The following NLGN1 variants were observed in gnomAD, a reference collection of about 807,000 sequenced individuals.
NLGN1 encodes the protein neuroligin-1.
In NLGN1, 12 loss-of-function variants were observed where a neutral mutation model predicts 65.5. The observed-to-expected ratio is 0.18, with a 90% CI of 0.12 to 0.30. The LOEUF is 0.30. Among genes scored for constraint, NLGN1 ranks in the 10% least tolerant of loss-of-function variants. NLGN1 has a pLI of 1.00. For missense variants in NLGN1, 750 were observed against 1,007.1 expected (o/e 0.74, Z 3.46); for synonymous variants, 350 against 359.5 (o/e 0.97, Z 0.30).
intron 4 of NLGN1, among the ~76,000 whole-genome samples, chr3:174,223,719 C>T (rs1739087296): frequency 6.6e-6 from 1 of 152,172 alleles, no homozygotes; most frequent in Admixed American, 6.5e-5. Flanking sequence ...TTATCGCCTG[C>T]TGCTCACAGA....
intron 4 of NLGN1, among the ~76,000 whole-genome samples, chr3:173,851,078 A>G: frequency 6.6e-6 from 1 of 151,958 alleles, no homozygotes; most frequent in Admixed American, 6.6e-5. Context: ...ATTTTATACC[A>G]TCGTGTTTTA....
At chr3:173,752,272 C>T (rs1560298471) in intron 3 of NLGN1, among the ~76,000 whole-genome samples, 1 of 151,938 alleles carries the variant, frequency 6.6e-6, no homozygotes, top group Admixed American at 6.6e-5. Flanking sequence ...CAGAATGTAC[C>T]CAGTGTTTAA....
intron 1 of NLGN1, among the ~76,000 whole-genome samples, chr3:173,415,706 A>T (rs1465630781): frequency 1.3e-5 from 2 of 152,170 alleles, no homozygotes; most frequent in East Asian, 1.9e-4. Flanking sequence ...ATAGGATACC[A>T]TTGAGTATAG....
At chr3:174,073,386 C>G (rs923742510) in intron 4 of NLGN1, among the ~76,000 whole-genome samples, 8 of 151,402 alleles carry the variant, frequency 5.3e-5, no homozygotes, top group African/African-American at 1.5e-4. Flanking sequence ...AGAATTTTGG[C>G]GGGGGGGCAC....
At chr3:174,270,453 A>G (rs773497001) in intron 4 of NLGN1, among the ~76,000 whole-genome samples, 1 of 151,832 alleles carries the variant, frequency 6.6e-6, no homozygotes, top group African/African-American at 2.4e-5. Flanking sequence ...ATTTGGCCAT[A>G]TATGCCTAAT....
intron 4 of NLGN1, among the ~76,000 whole-genome samples, chr3:173,915,199 C>T (rs9851272): frequency 0.25 from 37,513 of 151,996 alleles, 4,860 homozygotes; most frequent in East Asian, 0.36. Flanking sequence ...TTTTTAAATG[C>T]ATTCTTCTGG....
chr3:174,180,754 A>G (rs1280679453), intron 4 of NLGN1: 1 of 152,134 alleles, frequency 6.6e-6, no homozygotes, highest in African/African-American at 2.4e-5. Context: ...ATGCTTATAT[A>G]AATGAGTAAG....
chr3:173,477,390 A>G (rs1228722762), intron 2 of NLGN1, among the ~76,000 whole-genome samples: 1 of 152,112 alleles, frequency 6.6e-6, no homozygotes, highest in African/African-American at 2.4e-5. Flanking sequence ...AAAAAAAACA[A>G]CAACATAAAA....
intron 2 of NLGN1, among the ~76,000 whole-genome samples, chr3:173,570,500 A>G (rs1744473004): frequency 6.6e-6 from 1 of 152,126 alleles, no homozygotes; most frequent in African/African-American, 2.4e-5. Flanking sequence ...TAACTGGGTG[A>G]GCTTAACCAA....
chr3:173,956,283 A>G (rs1712016336), intron 4 of NLGN1, among the ~76,000 whole-genome samples: 1 of 152,162 alleles, frequency 6.6e-6, no homozygotes, highest in African/African-American at 2.4e-5. Context: ...AATATTATAT[A>G]ACCAAAGGAA....
intron 4 of NLGN1, among the ~76,000 whole-genome samples, chr3:173,980,763 T>C (rs567452218): frequency 6.6e-6 from 1 of 152,232 alleles, no homozygotes; most frequent in Non-Finnish European, 1.5e-5. Flanking sequence ...TCTATTTTAA[T>C]GTACTTGGGC....
chr3:173,735,714 A>C (rs1295557702), intron 3 of NLGN1, among the ~76,000 whole-genome samples: 1 of 152,064 alleles, frequency 6.6e-6, no homozygotes, highest in East Asian at 1.9e-4. Flanking sequence ...AGGCTGTGTA[A>C]TAATTTTCTG....
intron 2 of NLGN1, among the ~76,000 whole-genome samples, chr3:173,515,105 T>C (rs1281478321): frequency 2.0e-5 from 3 of 152,180 alleles, no homozygotes. Flanking sequence ...ACTGTACCAG[T>C]TTACATCCCT....
chr3:173,741,973 G>A (rs1241481002), intron 3 of NLGN1, among the ~76,000 whole-genome samples: 1 of 152,132 alleles, frequency 6.6e-6, no homozygotes, highest in South Asian at 2.1e-4. Flanking sequence ...CCCCCTCTAG[G>A]CCCTCTGGTG....
chr3:173,888,859 T>C (rs1734826134), intron 4 of NLGN1, among the ~76,000 whole-genome samples: 4 of 152,138 alleles, frequency 2.6e-5, no homozygotes, highest in African/African-American at 9.7e-5. Context: ...TTGTTACCTT[T>C]ATTGTCACTT....
intron 4 of NLGN1, among the ~76,000 whole-genome samples, chr3:173,991,568 C>A (rs1423589852): frequency 6.6e-6 from 1 of 152,138 alleles, no homozygotes; most frequent in Non-Finnish European, 1.5e-5. Flanking sequence ...ATAGATTTCT[C>A]AATTTTATCA....
intron 4 of NLGN1, among the ~76,000 whole-genome samples, chr3:174,150,042 A>T (rs910693706): frequency 2.0e-5 from 3 of 152,136 alleles, no homozygotes. Flanking sequence ...TAAAAACATT[A>T]TTTGTCCCTG....
intron 4 of NLGN1, among the ~76,000 whole-genome samples, chr3:173,952,467 T>C (rs1361742779): frequency 6.6e-6 from 1 of 152,218 alleles, no homozygotes; most frequent in Non-Finnish European, 1.5e-5. Flanking sequence ...TTTTCAGTTA[T>C]AGAAGCTAAC....
At chr3:173,542,389 T>G (rs1439810827) in intron 2 of NLGN1, among the ~76,000 whole-genome samples, 1 of 152,038 alleles carries the variant, frequency 6.6e-6, no homozygotes, top group African/African-American at 2.4e-5. Flanking sequence ...TTGCCTAGTT[T>G]AGGCTTCCTC....
Sources: allele counts gnomAD v4.1 joint callset (sites outside exome capture counted in the v4.1 genomes callset), GRCh38; gene constraint gnomAD v4.1.1; transcripts MANE v1.5; gene names NCBI Gene and HGNC (gene_info 2026-07-23, HGNC 2026-07-21).